Variants in PAOX observed in about 807,000 individuals in gnomAD.
The protein encoded by PAOX is polyamine oxidase, also known as peroxisomal N(1)-acetyl-spermine/spermidine oxidase.
A neutral mutation model predicts 39.0 loss-of-function variants in PAOX; 38 were observed. The observed-to-expected ratio is 0.97, with a 90% CI of 0.75 to 1.28. The LOEUF is 1.28. Ranked by LOEUF, PAOX falls within the 50% of genes most tolerant of loss-of-function variation. PAOX has a pLI of 0.00. For missense variants in PAOX, 667 were observed against 685.7 expected, an observed-to-expected ratio of 0.97 and a Z score of 0.30; for synonymous variants, 311 against 314.4, an observed-to-expected ratio of 0.99 and a Z score of 0.11.
chr10:133,391,100 T>C (rs1430647932), intron 6 of PAOX: 12 of 655,046 alleles, frequency 1.8e-5, no homozygotes, highest in Non-Finnish European at 3.4e-5. Context: ...TGGATACATG[T>C]GAGCTGTTTT....
chr10:133,387,917 C>G (rs1165469064), intron 4 of PAOX, among the ~76,000 whole-genome samples: 1 of 152,206 alleles, frequency 6.6e-6, no homozygotes, highest in East Asian at 1.9e-4. Context: ...CAGGGCTTTA[C>G]CATATTGACC....
intron 4 of PAOX, among the ~76,000 whole-genome samples, chr10:133,385,029 C>G (rs1849494673): frequency 6.6e-6 from 1 of 152,196 alleles, no homozygotes; most frequent in African/African-American, 2.4e-5. Context: ...GGCGCGGTGG[C>G]TCATGTCTGT....
rs890854879 is a variant in PAOX at position 133,379,358 on chromosome 10, C to G, written c.42C>G (p.Pro14=). The G allele has an allele frequency of 6.6e-6, 8 of 1,219,092 alleles. No individual in the cohort carries two copies. The highest frequency in any genetic ancestry group is 7.1e-6 in the Non-Finnish European group (7 of 980,096). The allele number at this position is 1,219,092 out of a possible 1,614,324, so 75.5% of individuals were successfully genotyped here. A position where few individuals can be genotyped will look rare whatever the true frequency, so the allele number is the denominator to read the frequency against. Residue 14 remains proline (P), a synonymous_variant, in exon 1 of 7, where the codon CCC becomes CCG. Transcript: ENST00000278060. ...GCGTCGGGGAGGCCCCGGGCGGACC[C>G]CGGGTGCTGGTGGTGGGCGGCGGCA... The part of the protein sequence containing the change: ...TGSVGEAPGG[P]RVLVVGGGIA...
At position 133,384,398 on chromosome 10, in the gene PAOX, G is replaced by A. The variant is rs148389210; in HGVS notation, c.1121+186G>A. Among the ~76,000 whole-genome samples, 1,981 of 152,258 alleles carry A rather than the reference G, an allele frequency of 0.013. 18 individuals carry two copies. Among genetic ancestry groups the A allele is most frequent in the Non-Finnish European group, 0.023 (1,548 of 68,000 alleles). On this transcript the variant is annotated intron_variant, in intron 4 of 6. Transcript: ENST00000278060. The surrounding 1 kb of genome is among the most constrained non-coding windows in gnomAD (Gnocchi z 4.3). ...CCTGACCCCTGCGGGGACAGATGGCGCCCTGCTGTATGCGGGTTGTCAGCG... is the reference window on the plus strand; with the variant it reads ...CCTGACCCCTGCGGGGACAGATGGCACCCTGCTGTATGCGGGTTGTCAGCG...
intron 5 of PAOX, among the ~76,000 whole-genome samples, 188 bp from the exon 6 acceptor site, chr10:133,389,402 C>G (rs186474947): frequency 1.3e-5 from 2 of 152,182 alleles, no homozygotes; most frequent in South Asian, 2.1e-4. Context: ...CAGAGGCCCC[C>G]GGGTCCCAGC....
At chr10:133,389,849 T>C (rs868266635) in intron 6 of PAOX, 102 bp downstream of exon 6, 1 of 1,271,048 alleles carries the variant, frequency 7.9e-7, no homozygotes, top group Non-Finnish European at 1.0e-6. Context: ...TGGGCTGGGA[T>C]CCCAGACTCG....
intron 3 of PAOX, among the ~76,000 whole-genome samples, chr10:133,383,651 C>T (rs963381707): frequency 2.0e-5 from 3 of 150,158 alleles, no homozygotes; most frequent in Non-Finnish European, 3.0e-5. Flanking sequence ...ACAAAAAACA[C>T]TTGTGTGAAA....
rs1462645498 is a variant in PAOX at position 133,379,271 on chromosome 10, A to C, written c.-46A>C. ...GCCTCCGGCCTCCTCCGAGAGCTCC[A>C]GACCTCCCGGCTACTCAGAAGCCCT... On this transcript the variant is annotated 5_prime_UTR_variant, in exon 1 of 7. Transcript: ENST00000278060. The C allele has an allele frequency of 8.4e-7, 1 of 1,196,868 alleles. No individual in the cohort carries two copies. Among genetic ancestry groups the C allele is most frequent in the Non-Finnish European group, 1.0e-6 (1 of 967,122 alleles). The allele number at this position is 1,196,868 out of a possible 1,614,324, so 74.1% of individuals were successfully genotyped here. A position where few individuals can be genotyped will look rare whatever the true frequency, so the allele number is the denominator to read the frequency against.
At chr10:133,390,611 A>T (rs1370947043) in intron 6 of PAOX, among the ~76,000 whole-genome samples, 1 of 152,226 alleles carries the variant, frequency 6.6e-6, no homozygotes, top group Non-Finnish European at 1.5e-5. Flanking sequence ...TAACTATGAT[A>T]CCATTTACCC....
chr10:133,384,045 G>C lies in PAOX; in HGVS notation c.954G>C (p.Gly318=). 6.2e-7 allele frequency: 1 copy of C among 1,614,192 alleles called. No homozygotes were observed. Among genetic ancestry groups the C allele is most frequent in the Non-Finnish European group, 8.5e-7 (1 of 1,180,020 alleles). ...AAGCAATCAGGAAGATAGGCTTTGG[G>C]ACCAACAACAAAATCTTCCTGGAGT... is the stretch of plus-strand genomic sequence containing the variant. The part of the protein sequence containing the change: ...KAEAIRKIGF[G]TNNKIFLEFE... The change falls in exon 4 of 7, where the codon GGG becomes GGC. Residue 318 remains glycine (G), a synonymous_variant. Transcript: ENST00000278060. This position sits in a 1 kb window ranked among gnomAD's most constrained non-coding sequence, Gnocchi z 4.3.
intron 6 of PAOX, chr10:133,390,696 T>G: frequency 1.9e-6 from 1 of 522,950 alleles, no homozygotes. Context: ...CAGCTCATGG[T>G]CTCTCTTCAG....
intron 4 of PAOX, among the ~76,000 whole-genome samples, chr10:133,385,223 G>C (rs1403581383): frequency 1.3e-5 from 2 of 152,172 alleles, no homozygotes; most frequent in Admixed American, 1.3e-4. Context: ...TTGAACCTGG[G>C]AGGCAGAGGT....
intron 3 of PAOX, among the ~76,000 whole-genome samples, chr10:133,382,520 G>A (rs1006004489): frequency 1.3e-5 from 2 of 152,290 alleles, no homozygotes; most frequent in Middle Eastern, 3.4e-3. Context: ...GGTGGCTCAC[G>A]CTTGTAATCC....
chr10:133,391,126 ATG>A, intron 6 of PAOX, 184 bp from the exon 7 acceptor site: 2 of 710,440 alleles, frequency 2.8e-6, no homozygotes, highest in Non-Finnish European at 5.1e-6. Flanking sequence ...CCGTTGGTGG[ATG>A]TGTGTGAGCT....
At chr10:133,386,402 G>A (rs183160382) in intron 4 of PAOX, among the ~76,000 whole-genome samples, 229 of 152,290 alleles carry the variant, frequency 1.5e-3, no homozygotes, top group Non-Finnish European at 2.4e-3. Context: ...TCATTCTGTG[G>A]TGATGTTTTA....
At position 133,380,346 on chromosome 10, in the gene PAOX, A is replaced by G. The variant is rs1849330493; in HGVS notation, c.529A>G (p.Arg177Gly). 2 of 1,612,830 alleles carry G rather than the reference A, an allele frequency of 1.2e-6. No homozygotes were observed. The highest frequency in any genetic ancestry group is 2.7e-5 in the African/African-American group (2 of 74,956). Reference sequence around the variant, plus strand: ...CGGCTGGACAGAGGATGAGGAGACCAGGAAGCTGAAGCTGGCCGTCCTGAA... The same window carrying G: ...CGGCTGGACAGAGGATGAGGAGACCGGGAAGCTGAAGCTGGCCGTCCTGAA... ...VAGWTEDEET[R>G]KLKLAVLNSF... The change falls in exon 2 of 7, where the codon AGG becomes GGG. Residue 177 changes from arginine (R) to glycine (G), a missense_variant. Coordinates refer to ENST00000278060, the MANE Select transcript of PAOX (RefSeq NM_152911.4).
At chr10:133,382,580 G>A (rs554558136) in intron 3 of PAOX, among the ~76,000 whole-genome samples, 44 of 152,044 alleles carry the variant, frequency 2.9e-4, no homozygotes, top group Non-Finnish European at 5.7e-4. Context: ...TCAGGAGTTC[G>A]AGACCAGCCT....
Position 133,389,022 on chromosome 10 carries a change from T to C in PAOX, c.1188T>C (p.Asp396=). Residue 396 remains aspartate, a synonymous_variant, in exon 5 of 7, where the codon GAT becomes GAC. Transcript: ENST00000278060. ...CTGAGTTCATGGAGACTCTGTCGGATGAAGAAGTACTTCTGTGTCTCACCC... is the reference window on the plus strand; with the variant it reads ...CTGAGTTCATGGAGACTCTGTCGGACGAAGAAGTACTTCTGTGTCTCACCC... ...LESEFMETLS[D]EEVLLCLTQV... is the part of the protein sequence containing the mutation. The C allele has an allele frequency of 1.2e-6, 2 of 1,614,224 alleles. No individual in the cohort carries two copies. Among genetic ancestry groups the C allele is most frequent in the Middle Eastern group, 1.7e-4 (1 of 6,060 alleles).
chr10:133,381,696 T>C, intron 3 of PAOX, 37 bp downstream of exon 3: 2 of 1,597,064 alleles, frequency 1.3e-6, no homozygotes, highest in East Asian at 4.5e-5. Flanking sequence ...CCATCCCAAG[T>C]GCCCCCGCCT....
Sources: allele counts gnomAD v4.1 joint callset (sites outside exome capture counted in the v4.1 genomes callset), GRCh38; gene constraint gnomAD v4.1.1; non-coding constraint Gnocchi (gnomAD v3.1); transcripts MANE v1.5; gene names NCBI Gene and HGNC (gene_info 2026-07-23, HGNC 2026-07-21).